SMOC1: variants seen among roughly 807,000 people sequenced by gnomAD.
SMOC1 encodes the protein SPARC related modular calcium binding 1, also known as SPARC-related modular calcium-binding protein 1.
Under a neutral mutation model 56.3 loss-of-function variants are expected in SMOC1, and 22 were observed. The observed-to-expected ratio is 0.39, with a 90% confidence interval of 0.28 to 0.56. The LOEUF (loss-of-function observed/expected upper bound fraction) is 0.56. Among genes scored for constraint, SMOC1 ranks in the 20% least tolerant of loss-of-function variants. SMOC1 has a pLI of 0.61. For missense variants in SMOC1, 509 were observed against 565.4 expected, an observed-to-expected ratio of 0.90 and a Z score of 1.01; for synonymous variants, 193 against 215.0, an observed-to-expected ratio of 0.90 and a Z score of 0.89.
intron 5 of SMOC1, among the ~76,000 whole-genome samples, chr14:69,982,965 C>T (rs1884233748): frequency 6.6e-6 from 1 of 152,228 alleles, no homozygotes; most frequent in South Asian, 2.1e-4. Context: ...CTCCGAGCCG[C>T]CTCCACCAAG....
intron 1 of SMOC1, among the ~76,000 whole-genome samples, chr14:69,891,989 A>G (rs1174333608): frequency 6.6e-6 from 1 of 152,184 alleles, no homozygotes; most frequent in Non-Finnish European, 1.5e-5. Context: ...TAATTTAAAA[A>G]ATAGGGATGG....
chr14:69,880,843 G>A (rs1883618893), intron 1 of SMOC1, among the ~76,000 whole-genome samples: 1 of 152,224 alleles, frequency 6.6e-6, no homozygotes, highest in African/African-American at 2.4e-5. Flanking sequence ...TCAGATTGCA[G>A]GTTGTTTATT....
chr14:69,923,086 A>G, intron 1 of SMOC1, among the ~76,000 whole-genome samples: 1 of 152,008 alleles, frequency 6.6e-6, no homozygotes, highest in South Asian at 2.1e-4. Context: ...CTGGGACTAC[A>G]GGCACCCACC....
chr14:69,944,373 T>C (rs227392), intron 1 of SMOC1, among the ~76,000 whole-genome samples: 80,762 of 151,734 alleles, frequency 0.53, 23,430 homozygotes, highest in African/African-American at 0.78. Flanking sequence ...AGTCCAGAGG[T>C]AGGAAGGAGC....
chr14:69,916,955 T>C (rs922543135), intron 1 of SMOC1, among the ~76,000 whole-genome samples: 2 of 152,254 alleles, frequency 1.3e-5, no homozygotes, highest in Non-Finnish European at 2.9e-5. Flanking sequence ...GCTGGAAGCA[T>C]GCTGAGTGGA....
At chr14:69,995,493 T>A (rs948494641) in intron 7 of SMOC1, among the ~76,000 whole-genome samples, 1 of 152,224 alleles carries the variant, frequency 6.6e-6, no homozygotes, top group Non-Finnish European at 1.5e-5. Context: ...GAAAGGAGAC[T>A]GTGAACCCCC....
At chr14:70,030,219 T>G (rs1566717733) in intron 11 of SMOC1, 23 bp from the exon 12 acceptor site, 6 of 1,578,012 alleles carry the variant, frequency 3.8e-6, no homozygotes, top group East Asian at 4.6e-5. Context: ...TTTTTTTTTT[T>G]GCATTCTCCT....
At chr14:69,890,504 A>G (rs1169878916) in intron 1 of SMOC1, among the ~76,000 whole-genome samples, 1 of 152,216 alleles carries the variant, frequency 6.6e-6, no homozygotes, top group African/African-American at 2.4e-5. Flanking sequence ...GTTTACAATG[A>G]GCATCTTTTA....
intron 5 of SMOC1, among the ~76,000 whole-genome samples, chr14:69,988,368 T>C (rs1369403243): frequency 6.6e-6 from 1 of 151,908 alleles, no homozygotes; most frequent in Admixed American, 6.6e-5. Flanking sequence ...CTCTCTGAGG[T>C]CCAAAAGAAT....
intron 1 of SMOC1, among the ~76,000 whole-genome samples, chr14:69,940,863 T>G (rs996281055): frequency 4.6e-5 from 7 of 152,132 alleles, no homozygotes; most frequent in African/African-American, 1.7e-4. Context: ...GGTGGCAGAC[T>G]TTGAGGGATG....
intron 5 of SMOC1, among the ~76,000 whole-genome samples, chr14:69,985,436 A>C (rs1884331265): frequency 6.6e-6 from 1 of 152,312 alleles, no homozygotes; most frequent in East Asian, 1.9e-4. Context: ...CACACACACA[A>C]AAAACCTGTA....
chr14:69,911,900 G>A (rs934458096), intron 1 of SMOC1, among the ~76,000 whole-genome samples: 3 of 152,314 alleles, frequency 2.0e-5, no homozygotes, highest in South Asian at 4.1e-4. Flanking sequence ...TATGGTAAAT[G>A]TATGGCTAAC....
chr14:69,953,770 G>A (rs542213436), intron 3 of SMOC1, among the ~76,000 whole-genome samples: 92 of 152,342 alleles, frequency 6.0e-4, no homozygotes, highest in African/African-American at 2.0e-3. Flanking sequence ...CCAGGAAACT[G>A]GCATTGCTTG....
chr14:69,961,030 G>C (rs985989683), intron 3 of SMOC1, among the ~76,000 whole-genome samples: 13 of 151,896 alleles, frequency 8.6e-5, no homozygotes, highest in African/African-American at 3.1e-4. Context: ...TGTCACCCGA[G>C]AAGAAATCTT....
At chr14:69,962,852 C>T (rs1883435680) in intron 3 of SMOC1, among the ~76,000 whole-genome samples, 1 of 152,208 alleles carries the variant, frequency 6.6e-6, no homozygotes, top group Admixed American at 6.5e-5. Context: ...GCTGGGATTA[C>T]AGGCGTGAGC....
intron 1 of SMOC1, among the ~76,000 whole-genome samples, chr14:69,939,592 C>T (rs933142409): frequency 6.6e-6 from 1 of 152,156 alleles, no homozygotes; most frequent in African/African-American, 2.4e-5. Flanking sequence ...AAGTTTGGGG[C>T]TGCCTGTTGG....
chr14:69,945,251 C>T (rs1229656133), intron 1 of SMOC1, among the ~76,000 whole-genome samples: 7 of 152,082 alleles, frequency 4.6e-5, no homozygotes, highest in South Asian at 2.1e-4. Context: ...TGCAGTATAT[C>T]GAGGGTTTTG....
chr14:70,007,039 T>G (rs1885170934), intron 7 of SMOC1, among the ~76,000 whole-genome samples: 1 of 152,150 alleles, frequency 6.6e-6, no homozygotes, highest in Non-Finnish European at 1.5e-5. Context: ...GGGGACTGTT[T>G]TGTAATGAGA....
At chr14:69,935,393 C>T (rs150798251) in intron 1 of SMOC1, among the ~76,000 whole-genome samples, 1 of 152,344 alleles carries the variant, frequency 6.6e-6, no homozygotes, top group East Asian at 1.9e-4. Context: ...AGACCAAACA[C>T]TCCAGCACAA....
Sources: gnomAD v4.1 joint callset for allele counts (sites outside exome capture counted in the v4.1 genomes callset) on GRCh38, gnomAD v4.1.1 for gene constraint, MANE v1.5 for transcripts, NCBI Gene and HGNC (gene_info 2026-07-23, HGNC 2026-07-21) for gene names.